Variants in GNG2 observed in about 807,000 individuals in gnomAD.
The protein encoded by GNG2 is G protein subunit gamma 2.
A neutral mutation model predicts 5.5 loss-of-function variants in GNG2; 5 were observed. That is an observed-to-expected ratio of 0.91 (90% confidence interval 0.48 to 1.92). GNG2 has a LOEUF of 1.92. Among genes scored for constraint, GNG2 ranks in the 30% most tolerant of loss-of-function variants. GNG2 has a pLI of 0.01. For synonymous variants in GNG2, 28 were observed against 32.0 expected, an observed-to-expected ratio of 0.88 and a Z score of 0.42; for missense variants, 55 against 88.4, an observed-to-expected ratio of 0.62 and a Z score of 1.52.
intron 2 of GNG2, among the ~76,000 whole-genome samples, chr14:51,891,133 T>C (rs554392129): frequency 1.8e-4 from 28 of 152,340 alleles, no homozygotes; most frequent in Non-Finnish European, 4.1e-4. Flanking sequence ...GGGTCTTAAG[T>C]TGTCCTCAAT....
chr14:51,870,260 A>G (rs1883211525), intron 1 of GNG2, among the ~76,000 whole-genome samples: 1 of 152,122 alleles, frequency 6.6e-6, no homozygotes, highest in African/African-American at 2.4e-5. Flanking sequence ...GAAAAAAAAA[A>G]CAACTTGTTT....
intron 2 of GNG2, among the ~76,000 whole-genome samples, chr14:51,937,082 C>T (rs1416556099): frequency 2.0e-5 from 3 of 152,282 alleles, no homozygotes; most frequent in South Asian, 2.1e-4. Context: ...GGAAAGGTTG[C>T]TTGTCCCTTT....
chr14:51,915,715 G>GA (rs201835849), intron 2 of GNG2, among the ~76,000 whole-genome samples: 12 of 151,852 alleles, frequency 7.9e-5, no homozygotes, highest in Admixed American at 4.6e-4. Flanking sequence ...ATGCTATTTG[G>GA]AAAAAAAAGT....
At chr14:51,943,143 G>A (rs1228730239) in intron 2 of GNG2, among the ~76,000 whole-genome samples, 2 of 152,190 alleles carry the variant, frequency 1.3e-5, no homozygotes, top group African/African-American at 4.8e-5. Flanking sequence ...CCCTACAAAG[G>A]TAAATTCCAG....
At chr14:51,924,649 T>C (rs1594921966) in intron 2 of GNG2, among the ~76,000 whole-genome samples, 1 of 152,200 alleles carries the variant, frequency 6.6e-6, no homozygotes, top group South Asian at 2.1e-4. Context: ...GAAAATTCCA[T>C]GATGAGATTC....
rs1222230832 is a variant in GNG2 at position 51,968,744 on chromosome 14, C to T, written c.*2057C>T. 6.6e-6 allele frequency: 1 copy of T among 152,200 alleles called. No homozygotes were observed. The highest frequency in any genetic ancestry group is 2.4e-5 in the African/African-American group (1 of 41,432). The allele number at this position is 152,200 out of a possible 1,614,324, so 9.4% of individuals were successfully genotyped here. ...ATCACAGTTTTTACATGGGCCAAAA[C>T]ATGAATTGAGTATGTGGTCACATGA... On this transcript the variant is annotated 3_prime_UTR_variant, in exon 4 of 4. Coordinates refer to ENST00000556766, the MANE Select transcript of GNG2 (RefSeq NM_053064.5).
intron 1 of GNG2, among the ~76,000 whole-genome samples, chr14:51,869,642 T>G (rs1014190964): frequency 6.6e-6 from 1 of 152,158 alleles, no homozygotes; most frequent in South Asian, 2.1e-4. Flanking sequence ...GCCTCCTGAG[T>G]AGCTGGGACC....
rs1883764989 is a variant in GNG2 at position 51,877,673 on chromosome 14, T to C, written c.-30+16T>C. The C allele has an allele frequency of 2.2e-6, 1 of 454,260 alleles. No individual in the cohort carries two copies. Among genetic ancestry groups the C allele is most frequent in the Non-Finnish European group, 4.4e-6 (1 of 225,986 alleles). 28.1% of individuals were successfully genotyped at this position (454,260 alleles called of 1,614,324 possible). On this transcript the variant is annotated intron_variant, in intron 2 of 3. Transcript: ENST00000556766. ...AACTGAAGAGGTAAGAATTCCAAAA[T>C]ATTTTCTTCTAGAATCTTGAATTTA...
At chr14:51,895,947 A>G (rs1885164395) in intron 2 of GNG2, among the ~76,000 whole-genome samples, 1 of 152,244 alleles carries the variant, frequency 6.6e-6, no homozygotes, top group Non-Finnish European at 1.5e-5. Context: ...GTCTTCCACC[A>G]TGACTGTGAG....
rs1026738990 is a variant in GNG2, at chr14:51,835,782, G to A, written c.64+7975G>A. ...ACATTTAACAAAGTAGAAAACTTTA[G>A]CAAAAACTATATTTTTCTTTTTCTC... On this transcript the variant is annotated intron_variant, in intron 2 of 3. Transcript: ENST00000553432. Among the ~76,000 whole-genome samples, 3 of 152,140 alleles carry A rather than the reference G, an allele frequency of 2.0e-5. No homozygotes were observed. In the East Asian group the frequency reaches 5.8e-4, roughly 29 times the overall value.
chr14:51,860,260 GAAC>G (rs1211589413), upstream of GNG2, among the ~76,000 whole-genome samples: 1 of 151,790 alleles, frequency 6.6e-6, no homozygotes, highest in Non-Finnish European at 1.5e-5. Flanking sequence ...ACAACAGCAA[GAAC>G]AACAATAGCA....
chr14:51,959,810 A>T (rs565285419), intron 3 of GNG2, among the ~76,000 whole-genome samples: 1 of 152,066 alleles, frequency 6.6e-6, no homozygotes, highest in Admixed American at 6.6e-5. Context: ...ACACTCTCTC[A>T]ATCCCCTTTA....
chr14:51,909,029 A>C (rs758021482), intron 2 of GNG2, among the ~76,000 whole-genome samples: 2 of 152,180 alleles, frequency 1.3e-5, no homozygotes, highest in Non-Finnish European at 2.9e-5. Context: ...TTATTAACAG[A>C]TATTTACCTA....
intron 2 of GNG2, among the ~76,000 whole-genome samples, chr14:51,928,221 G>A (rs1421950337): frequency 2.0e-5 from 3 of 151,616 alleles, no homozygotes; most frequent in African/African-American, 4.8e-5. Flanking sequence ...TAGTAGAGAC[G>A]GGGTTTCACC....
intron 2 of GNG2, among the ~76,000 whole-genome samples, chr14:51,849,274 G>C (rs1180098531): frequency 1.3e-5 from 2 of 152,192 alleles, no homozygotes; most frequent in East Asian, 3.9e-4. Context: ...ATGGCACCTG[G>C]TTTCCCCCAG....
chr14:51,867,009 T>C (rs1368597705), intron 1 of GNG2, among the ~76,000 whole-genome samples: 1 of 152,212 alleles, frequency 6.6e-6, no homozygotes, highest in Non-Finnish European at 1.5e-5. Context: ...CCTACATATT[T>C]AGTTTCTTCT....
intron 3 of GNG2, among the ~76,000 whole-genome samples, chr14:51,960,114 CT>C (rs1217023314): frequency 2.0e-5 from 3 of 152,042 alleles, no homozygotes; most frequent in Non-Finnish European, 4.4e-5. Context: ...TCTTTAGGGA[CT>C]CCAATTATAT....
In GNG2 at chr14:51,849,074, T is replaced by A. The variant is rs186039672; in HGVS notation, c.64+21267T>A. On this transcript the variant is annotated intron_variant, in intron 2 of 3. Transcript: ENST00000553432. ...AATTTGGGAGCAGCTTATCTTAACA[T>A]TTCTGGCCCTCAGTCTAACTTGAGG... 1.2e-3 allele frequency among the ~76,000 whole-genome samples: 179 copies of A among 152,362 alleles called. 2 individuals carry two copies. Among genetic ancestry groups the A allele is most frequent in the African/African-American group, 4.0e-3 (165 of 41,582 alleles).
chr14:51,944,324 G>A (rs899448999), intron 2 of GNG2, among the ~76,000 whole-genome samples: 1 of 152,194 alleles, frequency 6.6e-6, no homozygotes, highest in African/African-American at 2.4e-5. Flanking sequence ...CCTGGTGAGG[G>A]TTCTCTTCCT....
Sources: allele counts gnomAD v4.1 joint callset (sites outside exome capture counted in the v4.1 genomes callset), GRCh38; gene constraint gnomAD v4.1.1; transcripts MANE v1.5; gene names NCBI Gene and HGNC (gene_info 2026-07-23, HGNC 2026-07-21).